Variants in LAMA1 observed in about 807,000 individuals in gnomAD.
LAMA1 encodes laminin subunit alpha 1, also known as laminin subunit alpha-1.
A neutral mutation model predicts 348.7 loss-of-function variants in LAMA1; 219 were observed. The ratio of observed to expected loss-of-function variants is 0.63; its 90% confidence interval spans 0.56 to 0.70. The LOEUF (loss-of-function observed/expected upper bound fraction) is 0.70. Ranked by LOEUF, LAMA1 falls within the 30% of genes least tolerant of loss-of-function variation. LAMA1 has a pLI of 0.00. For synonymous variants in LAMA1, 1,487 were observed against 1,491.0 expected (o/e 1.00, Z 0.06); for missense variants, 3,744 against 3,888.0 (o/e 0.96, Z 0.99).
intron 1 of LAMA1, among the ~76,000 whole-genome samples, chr18:7,096,578 C>T (rs954318275): frequency 1.3e-5 from 2 of 151,796 alleles, no homozygotes; most frequent in Non-Finnish European, 2.9e-5. Flanking sequence ...TCTCTTGAGC[C>T]CAGGAGGTCA....
At chr18:6,993,983 T>A (rs2057769650) in intron 34 of LAMA1, among the ~76,000 whole-genome samples, 1 of 152,120 alleles carries the variant, frequency 6.6e-6, no homozygotes, top group Admixed American at 6.5e-5. Context: ...TAAGAAAAGA[T>A]GGGTATGTTT....
At chr18:7,107,398 G>A (rs2058316669) in intron 1 of LAMA1, among the ~76,000 whole-genome samples, 1 of 152,040 alleles carries the variant, frequency 6.6e-6, no homozygotes, top group Admixed American at 6.6e-5. Context: ...GATTACAGGC[G>A]TGAGCCACCG....
At chr18:6,991,868 A>G (rs902968118) in intron 36 of LAMA1, among the ~76,000 whole-genome samples, 6 of 152,258 alleles carry the variant, frequency 3.9e-5, no homozygotes, top group African/African-American at 1.4e-4. Flanking sequence ...TAAATATCTC[A>G]CATGACTATA....
Position 7,035,979 on chromosome 18 carries a change from A to C in LAMA1, c.1839+8T>G. ...GCTCTATAGCAGAATCAAAGCAAAA[A>C]CAATCACCTTAATGATGACGTCAGC... On this transcript the variant is annotated splice_region_variant and intron_variant, in intron 13 of 62. Coordinates refer to ENST00000389658, the MANE Select transcript of LAMA1 (RefSeq NM_005559.4). 1 of 1,610,236 alleles carries C rather than the reference A, an allele frequency of 6.2e-7. No individual in the cohort carries two copies.
In LAMA1 at chr18:6,973,102, G is replaced by A. The variant is rs369697673; in HGVS notation, c.6729C>T (p.Asn2243=). The A allele has an allele frequency of 1.9e-6, 3 of 1,614,042 alleles. No individual in the cohort carries two copies. The highest frequency in any genetic ancestry group is 1.7e-6 in the Non-Finnish European group (2 of 1,179,998). The change falls in exon 47 of 63, where the codon AAC becomes AAT. Residue 2243 remains asparagine (N), a synonymous_variant. Transcript: ENST00000389658. ...CTCCAACAAACATGAGTGTTGAATT[G>A]TTTACATCCAGAACATTAGCTGTCC... ...SPGTANVLDV[N]NSTLMFVGGL...
In LAMA1 at chr18:6,986,175, G is replaced by C. The variant is rs2057734368; in HGVS notation, c.5341C>G (p.Leu1781Val). 1.9e-6 allele frequency: 3 copies of C among 1,614,096 alleles called. No homozygotes were observed. The highest frequency in any genetic ancestry group is 2.2e-5 in the South Asian group (2 of 91,084). Residue 1781 changes from leucine to valine, a missense_variant, in exon 37 of 63, where the codon CTG becomes GTG. Leu to Val is a conservative substitution (Grantham distance 32). This residue lies in a region of LAMA1 where 1,983 missense variants were observed against 1,934.3 expected (regional missense o/e 1.03). Coordinates refer to ENST00000389658, the MANE Select transcript of LAMA1 (RefSeq NM_005559.4). ...AGATTAGCATTGACCATGAGCAGCAGGTGGTTGCTTTCCTGCATCTTTGCC... is the reference window on the plus strand; with the variant it reads ...AGATTAGCATTGACCATGAGCAGCACGTGGTTGCTTTCCTGCATCTTTGCC... ...AEAKMQESNH[L>V]LLMVNANLRE...
intron 3 of LAMA1, among the ~76,000 whole-genome samples, chr18:7,077,263 G>A (rs1199644407): frequency 6.6e-4 from 95 of 144,930 alleles, no homozygotes; most frequent in African/African-American, 2.2e-3. Context: ...GTGCAGTGGT[G>A]CAGTCTCGGC....
chr18:7,051,034 G>A, intron 3 of LAMA1, 98 bp from the exon 4 acceptor site: 1 of 1,483,544 alleles, frequency 6.7e-7, no homozygotes, highest in South Asian at 1.2e-5. Flanking sequence ...TAGAATCTAA[G>A]ATAGTTGAAC....
At chr18:6,996,131 CT>C (rs562205096) in intron 33 of LAMA1, among the ~76,000 whole-genome samples, 3 of 151,978 alleles carry the variant, frequency 2.0e-5, no homozygotes, top group East Asian at 3.9e-4. Flanking sequence ...GTTAAATATT[CT>C]TTTTTTTATA....
At chr18:6,997,919 T>C (rs1168183228) in intron 32 of LAMA1, 35 bp from the exon 33 acceptor site, 1 of 1,605,742 alleles carries the variant, frequency 6.2e-7, no homozygotes, top group East Asian at 2.2e-5. Flanking sequence ...AGAGTTAAAG[T>C]TAATGCGATG....
intron 22 of LAMA1, 84 bp from the exon 23 acceptor site, chr18:7,014,135 T>C: frequency 3.8e-6 from 4 of 1,046,428 alleles, no homozygotes; most frequent in East Asian, 2.4e-5. Flanking sequence ...AGGAAAACAC[T>C]ACATGTGGGG....
chr18:7,098,702 C>G lies in LAMA1; in HGVS notation c.62-18245G>C, dbSNP rs541369517. On this transcript the variant is annotated intron_variant, in intron 1 of 62. Transcript: ENST00000389658. ...GAGCGTCTCCGCCCGGCAGCCACCC[C>G]ATCCGGGAGGGAGGTGGGGGGGTCA... 4.0e-4 allele frequency among the ~76,000 whole-genome samples: 60 copies of G among 149,830 alleles called. 1 individual carries two copies. The highest frequency in any genetic ancestry group is 1.2e-3 in the African/African-American group (51 of 40,918).
intron 59 of LAMA1, 29 bp from the exon 60 acceptor site, chr18:6,948,585 A>T: frequency 1.2e-6 from 2 of 1,614,042 alleles, no homozygotes; most frequent in Admixed American, 1.7e-5. Flanking sequence ...AAGAGTAGAC[A>T]GTGGTGATTC....
At chr18:6,962,210 C>G in intron 51 of LAMA1, 151 bp from the exon 52 acceptor site, 1 of 691,890 alleles carries the variant, frequency 1.4e-6, no homozygotes, top group South Asian at 1.6e-5. Context: ...TTACCTAAGC[C>G]CACGAGTTTG....
chr18:6,999,932 T>C lies in LAMA1; in HGVS notation c.4448A>G (p.Tyr1483Cys). Residue 1483 changes from tyrosine (Y) to cysteine (C), a missense_variant, in exon 31 of 63, where the codon TAT becomes TGT. By Grantham distance (194) the Tyr-to-Cys change is radical. Coordinates refer to ENST00000389658, the MANE Select transcript of LAMA1 (RefSeq NM_005559.4). ...DFRCDACLLGYEGKHCERCSS... is the reference protein window; with the variant it reads ...DFRCDACLLGCEGKHCERCSS... ...GTACCTTTCACAGTGTTTTCCTTCA[T>C]AGCCCAGGAGACAGGCGTCACAACG... The C allele has an allele frequency of 1.9e-6, 3 of 1,614,142 alleles. No homozygotes were observed. The highest frequency in any genetic ancestry group is 2.5e-6 in the Non-Finnish European group (3 of 1,179,974).
chr18:7,015,415 G>A (rs140871424), intron 22 of LAMA1, among the ~76,000 whole-genome samples: 10 of 152,030 alleles, frequency 6.6e-5, no homozygotes, highest in African/African-American at 7.2e-5. Flanking sequence ...GACCACAGGC[G>A]TGTGCCACCA....
intron 57 of LAMA1, chr18:6,954,298 G>C (rs2057563938): frequency 6.6e-6 from 1 of 152,464 alleles, no homozygotes; most frequent in Admixed American, 6.5e-5. Context: ...TTTTACCTGG[G>C]CTCGCAGGAG....
chr18:7,086,575 T>C (rs2058218295), intron 1 of LAMA1, among the ~76,000 whole-genome samples: 1 of 152,068 alleles, frequency 6.6e-6, no homozygotes, highest in Admixed American at 6.5e-5. Context: ...TTTACTGACC[T>C]GTCTCTCCCC....
chr18:6,961,624 C>T lies in LAMA1; in HGVS notation c.7588G>A (p.Asp2530Asn), dbSNP rs1283114494. 2.5e-6 allele frequency: 4 copies of T among 1,614,066 alleles called. No homozygotes were observed. The East Asian group carries it at 8.9e-5, about 36-fold the overall frequency. The change falls in exon 53 of 63, where the codon GAT becomes AAT. Residue 2530 changes from aspartate (D) to asparagine (N), a missense_variant. By Grantham distance (23) the Asp-to-Asn change is conservative (BLOSUM62 1). Around this residue, in one of 3 missense-constraint regions of LAMA1, gnomAD observed 1,983 missense variants for 1,934.3 expected, o/e 1.03. Coordinates refer to ENST00000389658, the MANE Select transcript of LAMA1 (RefSeq NM_005559.4). Reference sequence around the variant, plus strand: ...TCACGATCACCCCGCTTCTCCACATCCCCGCCGAGGGCAGCCAGGATGATG... The same window carrying T: ...TCACGATCACCCCGCTTCTCCACATTCCCGCCGAGGGCAGCCAGGATGATG... Reference protein sequence around the residue: ...SGIILAALGGDVEKRGDREEA... With the variant: ...SGIILAALGGNVEKRGDREEA...
Sources: gnomAD v4.1 joint callset for allele counts (sites outside exome capture counted in the v4.1 genomes callset) on GRCh38, gnomAD v4.1.1 for gene constraint, gnomAD v4.1.1 regional missense constraint, MANE v1.5 for transcripts, NCBI Gene and HGNC (gene_info 2026-07-23, HGNC 2026-07-21) for gene names.